ARHGAP24: variants seen among roughly 807,000 people sequenced by gnomAD.
ARHGAP24 encodes the protein Rho GTPase activating protein 24, also known as rho GTPase-activating protein 24.
In ARHGAP24, 50 loss-of-function variants were observed where a neutral mutation model predicts 76.4. The ratio of observed to expected loss-of-function variants is 0.65; its 90% CI spans 0.52 to 0.83. The LOEUF is 0.83. Among genes scored for constraint, ARHGAP24 ranks in the 40% least tolerant of loss-of-function variants. The pLI is 0.00. For synonymous variants in ARHGAP24, 345 were observed against 323.3 expected (o/e 1.07, Z -0.72); for missense variants, 930 against 914.2 (o/e 1.02, Z -0.22).
In ARHGAP24 at chr4:85,549,686, G is replaced by A. The variant is rs1389155348; in HGVS notation, c.-20-20836G>A. On this transcript the variant is annotated intron_variant, in intron 1 of 9. Transcript: ENST00000395184. ...AAATTGCATGTTTCAGGAGTTTCGT[G>A]TACAGATTATTTCACTACCCCAGGT... is the stretch of plus-strand genomic sequence containing the variant. Among the ~76,000 whole-genome samples, 2 of 152,130 alleles carry A rather than the reference G, an allele frequency of 1.3e-5. 1 individual carries two copies. The highest frequency in any genetic ancestry group is 4.2e-4 in the South Asian group (2 of 4,818).
chr4:85,964,711 C>T (rs1305919082), intron 5 of ARHGAP24, among the ~76,000 whole-genome samples: 2 of 152,042 alleles, frequency 1.3e-5, no homozygotes, highest in Non-Finnish European at 1.5e-5. Context: ...AGGGAGTTAG[C>T]TACTTTCTTT....
intron 4 of ARHGAP24, chr4:85,930,159 G>A (rs1172966239): frequency 1.1e-5 from 9 of 798,586 alleles, no homozygotes; most frequent in Non-Finnish European, 1.2e-5. Flanking sequence ...TGAGAAAAGG[G>A]GAGACGGAGC....
intron 1 of ARHGAP24, among the ~76,000 whole-genome samples, chr4:85,516,964 T>G (rs574405807): frequency 6.6e-6 from 1 of 152,192 alleles, no homozygotes; most frequent in South Asian, 2.1e-4. Flanking sequence ...GTGTGAGATA[T>G]GGATCCACTT....
At chr4:85,553,652 G>A (rs188902749) in intron 1 of ARHGAP24, among the ~76,000 whole-genome samples, 1 of 152,336 alleles carries the variant, frequency 6.6e-6, no homozygotes, top group Admixed American at 6.5e-5. Context: ...TGGCTAGACA[G>A]AAAAGTGGTC....
chr4:85,915,937 G>A (rs1735360666), intron 3 of ARHGAP24, among the ~76,000 whole-genome samples: 1 of 152,166 alleles, frequency 6.6e-6, no homozygotes, highest in South Asian at 2.1e-4. Flanking sequence ...TATATACCCA[G>A]TAATGGGGTT....
chr4:85,746,646 G>A (rs1050053991), intron 3 of ARHGAP24, among the ~76,000 whole-genome samples: 5 of 151,878 alleles, frequency 3.3e-5, no homozygotes, highest in African/African-American at 7.3e-5. Context: ...TGGCTTGTTT[G>A]TTTTGTTGTG....
Position 85,590,824 on chromosome 4 carries a change from C to A in ARHGAP24, c.180+20103C>A, listed in dbSNP as rs78655432. Among the ~76,000 whole-genome samples, 1,001 of 152,104 alleles carry A rather than the reference C, an allele frequency of 6.6e-3. 8 individuals are homozygous for A. Among genetic ancestry groups the A allele is most frequent in the Middle Eastern group, 0.017 (5 of 294 alleles). The stretch of plus-strand genomic sequence containing the variant: ...TGTACTTTTAAGTAGACTGAAATAT[C>A]TGTTTATTTAAAATTTAACATAAGG... On this transcript the variant is annotated intron_variant, in intron 2 of 9. Transcript: ENST00000395184.
At position 85,721,953 on chromosome 4, in the gene ARHGAP24, C is replaced by G; in HGVS notation, c.249C>G (p.Phe83Leu). 6.2e-7 allele frequency: 1 copy of G among 1,613,258 alleles called. No individual in the cohort carries two copies. The highest frequency in any genetic ancestry group is 8.5e-7 in the Non-Finnish European group (1 of 1,179,540). The change falls in exon 3 of 10, where the codon TTC (phenylalanine) becomes TTG (leucine). Residue 83 changes from phenylalanine (F) to leucine (L), a missense_variant. Transcript: ENST00000395184. The stretch of plus-strand genomic sequence containing the variant: ...GCAATGAAGAGAACCCAGGGAAGTT[C>G]CTTTTTGAAGTAGTTCCAGGTAAGA... ...HPCNEENPGK[F>L]LFEVVPGGDR...
intron 1 of ARHGAP24, among the ~76,000 whole-genome samples, chr4:85,502,810 G>C (rs1378196510): frequency 6.6e-6 from 1 of 152,150 alleles, no homozygotes; most frequent in Non-Finnish European, 1.5e-5. Flanking sequence ...TTTTCAAAGG[G>C]AATGCTTCAA....
chr4:85,888,536 CTCTG>C (rs936497103), intron 3 of ARHGAP24, among the ~76,000 whole-genome samples: 15 of 151,318 alleles, frequency 9.9e-5, no homozygotes, highest in African/African-American at 1.7e-4. Flanking sequence ...AAAGTTTAAA[CTCTG>C]TTTGTTTGTT....
At chr4:85,652,358 G>C (rs1278491546) in intron 2 of ARHGAP24, among the ~76,000 whole-genome samples, 1 of 152,148 alleles carries the variant, frequency 6.6e-6, no homozygotes, top group Non-Finnish European at 1.5e-5. Context: ...CTATGAAATG[G>C]AGTATAATTC....
At chr4:85,870,530 TTA>T (rs898620348) in intron 3 of ARHGAP24, among the ~76,000 whole-genome samples, 6 of 152,162 alleles carry the variant, frequency 3.9e-5, no homozygotes, top group African/African-American at 1.4e-4. Context: ...GTCTCAACAT[TTA>T]TATGAGTTAA....
At position 85,660,751 on chromosome 4, in the gene ARHGAP24, G is replaced by A. The variant is rs139315723; in HGVS notation, c.181-61134G>A. Among the ~76,000 whole-genome samples the A allele has an allele frequency of 5.9e-3, 703 of 118,804 alleles. 4 individuals carry two copies. Among genetic ancestry groups the A allele is most frequent in the Middle Eastern group, 0.025 (3 of 122 alleles). The allele number at this position is 118,804 out of a possible 152,430, so 77.9% of individuals were successfully genotyped here. On this transcript the variant is annotated intron_variant, in intron 2 of 9. Coordinates refer to ENST00000395184, the MANE Select transcript of ARHGAP24 (RefSeq NM_001025616.3). ...TAGGAGGTTGCAGTGAGCTGAGATC[G>A]CGCCACAGCACTCTAGCCTGGTGAC... is the stretch of plus-strand genomic sequence containing the variant.
At chr4:85,864,411 C>T (rs563605921) in intron 3 of ARHGAP24, among the ~76,000 whole-genome samples, 5 of 151,930 alleles carry the variant, frequency 3.3e-5, no homozygotes, top group Admixed American at 2.6e-4. Context: ...TTAGTATAGC[C>T]CTGCCAAAGA....
intron 9 of ARHGAP24, among the ~76,000 whole-genome samples, chr4:85,996,631 A>T (rs1740677887): frequency 6.6e-6 from 1 of 152,236 alleles, no homozygotes; most frequent in Non-Finnish European, 1.5e-5. Context: ...TATAAATGAG[A>T]TTGAAAAATT....
rs1232150920 is a variant in ARHGAP24, at chr4:85,611,959, A to C, written c.180+41238A>C. Among the ~76,000 whole-genome samples, 6 of 152,180 alleles carry C rather than the reference A, an allele frequency of 3.9e-5. No individual in the cohort carries two copies. In the East Asian group the frequency reaches 1.2e-3, roughly 29 times the overall value. ...GTATAGTACCAGTGGGTATGTTGTA[A>C]TTGACTGCATGCACTGGCAAGGAAT... On this transcript the variant is annotated intron_variant, in intron 2 of 9. Coordinates refer to ENST00000395184, the MANE Select transcript of ARHGAP24 (RefSeq NM_001025616.3).
intron 2 of ARHGAP24, among the ~76,000 whole-genome samples, chr4:85,655,792 T>TAGAGAGAGAG (rs1248907720): frequency 2.1e-4 from 8 of 37,698 alleles, no homozygotes; most frequent in South Asian, 1.1e-3. Context: ...TATATATATA[T>TAGAGAGAGAG]AGAGAGAGAG....
chr4:85,808,629 A>G (rs1560644179), intron 3 of ARHGAP24, among the ~76,000 whole-genome samples: 1 of 151,926 alleles, frequency 6.6e-6, no homozygotes, highest in Non-Finnish European at 1.5e-5. Flanking sequence ...ATTCCAAAAA[A>G]CTATAGAGAG....
At chr4:85,837,535 A>T (rs1329697616) in intron 3 of ARHGAP24, among the ~76,000 whole-genome samples, 1 of 152,124 alleles carries the variant, frequency 6.6e-6, no homozygotes, top group Admixed American at 6.5e-5. Flanking sequence ...ACAAAAAAAA[A>T]CAAGCAGCGG....
Sources: gnomAD v4.1 joint callset for allele counts (sites outside exome capture counted in the v4.1 genomes callset) on GRCh38, gnomAD v4.1.1 for gene constraint, MANE v1.5 for transcripts, NCBI Gene and HGNC (gene_info 2026-07-23, HGNC 2026-07-21) for gene names.